Variants in NEBL observed in about 807,000 individuals in gnomAD.
The protein encoded by NEBL is nebulette.
Under a neutral mutation model 140.2 loss-of-function variants are expected in NEBL, and 122 were observed. The observed-to-expected ratio is 0.87, with a 90% CI of 0.75 to 1.01. The LOEUF is 1.01. NEBL is among the 50% of genes least tolerant of loss of function. The pLI is 0.00. For missense variants in NEBL, 1,365 were observed against 1,231.3 expected (o/e 1.11, Z -1.62); for synonymous variants, 436 against 398.9 (o/e 1.09, Z -1.11).
chr10:20,965,147 A>G (rs1241764081), intron 3 of NEBL, among the ~76,000 whole-genome samples: 1 of 152,196 alleles, frequency 6.6e-6, no homozygotes, highest in Non-Finnish European at 1.5e-5. Flanking sequence ...AGCACCTACT[A>G]TGGGCCAAGA....
chr10:20,820,591 C>T (rs532557484), intron 19 of NEBL, among the ~76,000 whole-genome samples: 9 of 152,192 alleles, frequency 5.9e-5, no homozygotes, highest in East Asian at 1.9e-4. Flanking sequence ...TTTGGAAGGC[C>T]GAGGCAGGTG....
intron 1 of NEBL, among the ~76,000 whole-genome samples, chr10:21,256,629 G>A (rs778244456): frequency 4.6e-5 from 7 of 152,128 alleles, no homozygotes; most frequent in Non-Finnish European, 7.4e-5. Context: ...CCAGGAGTTC[G>A]AGACCAGCCT....
intron 3 of NEBL, among the ~76,000 whole-genome samples, chr10:21,200,308 C>CTTTTTTTTTT (rs10671099): frequency 9.8e-5 from 8 of 81,964 alleles, no homozygotes; most frequent in African/African-American, 3.6e-4. Flanking sequence ...TTCCAAGGGA[C>CTTTTTTTTTT]TTTTTTTTTT....
At chr10:20,981,994 T>C (rs1404785908) in intron 3 of NEBL, among the ~76,000 whole-genome samples, 1 of 152,192 alleles carries the variant, frequency 6.6e-6, no homozygotes, top group African/African-American at 2.4e-5. Context: ...CATCTACATT[T>C]TGTTAGCATT....
At chr10:21,107,837 A>C (rs1293180019) in intron 2 of NEBL, among the ~76,000 whole-genome samples, 1 of 152,166 alleles carries the variant, frequency 6.6e-6, no homozygotes, top group Non-Finnish European at 1.5e-5. Context: ...TTATTGCCTC[A>C]ATTTCAGAAC....
chr10:20,903,082 A>G (rs1210168492), intron 4 of NEBL, among the ~76,000 whole-genome samples: 2 of 152,216 alleles, frequency 1.3e-5, no homozygotes, highest in Non-Finnish European at 2.9e-5. Flanking sequence ...TTATCCATAG[A>G]GGATGTGTTC....
rs770140831 is a variant in NEBL at position 20,859,794 on chromosome 10, C to T, written c.717G>A (p.Met239Ile). ...IKYKEKFDNE[M>I]KDKKHHYNPL... Reference sequence around the variant, plus strand: ...GATTGTAATGATGTTTCTTATCCTTCATTTCATTATCAAATTTTTCTTTGT... The same window carrying T: ...GATTGTAATGATGTTTCTTATCCTTTATTTCATTATCAAATTTTTCTTTGT... The change falls in exon 8 of 28, where the codon ATG (methionine) becomes ATA (isoleucine). Residue 239 changes from methionine (M) to isoleucine (I), a missense_variant. Physicochemically the swap from Met to Ile is conservative, Grantham distance 10. Transcript: ENST00000377122. 1 of 1,581,604 alleles carries T rather than the reference C, an allele frequency of 6.3e-7. No individual in the cohort carries two copies. The highest frequency in any genetic ancestry group is 1.7e-5 in the Admixed American group (1 of 59,092).
chr10:21,027,470 G>A (rs1011611472), intron 2 of NEBL, among the ~76,000 whole-genome samples: 2 of 151,846 alleles, frequency 1.3e-5, no homozygotes, highest in Non-Finnish European at 2.9e-5. Flanking sequence ...TGGGACCAGA[G>A]GCAACTGCCA....
In NEBL at chr10:21,227,090, T is replaced by C. The variant is rs118008011; in HGVS notation, n.348+20831A>G. On this transcript the variant is annotated intron_variant and non_coding_transcript_variant, in intron 3 of 8. Coordinates refer to the NEBL transcript ENST00000675702. ...AGCTGAAATCTCAAATCAGTAACAA[T>C]GTTGTTATTGTTCAGTGATGGCTAG... Among the ~76,000 whole-genome samples the C allele has an allele frequency of 4.3e-4, 65 of 152,238 alleles. 1 individual carries two copies. In the East Asian group the frequency reaches 0.011, roughly 25 times the overall value.
chr10:20,839,294 T>C (rs1467922869), intron 13 of NEBL, among the ~76,000 whole-genome samples: 1 of 152,158 alleles, frequency 6.6e-6, no homozygotes, highest in African/African-American at 2.4e-5. Context: ...TACAAGACAA[T>C]CTCTGCATGT....
intron 1 of NEBL, among the ~76,000 whole-genome samples, chr10:21,277,208 C>CTTTTTT (rs1260862410): frequency 7.5e-6 from 1 of 133,566 alleles, no homozygotes; most frequent in Non-Finnish European, 1.6e-5. Flanking sequence ...ATATTTCTTT[C>CTTTTTT]TTTTTTTTTT....
At chr10:20,898,458 T>C (rs1448611423), upstream of NEBL, among the ~76,000 whole-genome samples, 1 of 151,846 alleles carries the variant, frequency 6.6e-6, no homozygotes, top group East Asian at 1.9e-4. Flanking sequence ...AAAAAATGCC[T>C]TGGCCTTACC....
At chr10:20,933,706 C>T (rs1450481239) in intron 4 of NEBL, among the ~76,000 whole-genome samples, 1 of 152,170 alleles carries the variant, frequency 6.6e-6, no homozygotes, top group Non-Finnish European at 1.5e-5. Flanking sequence ...TGCATTGCAT[C>T]CAGATTGGGT....
chr10:21,202,526 T>G (rs549167084), intron 3 of NEBL, among the ~76,000 whole-genome samples: 28 of 146,502 alleles, frequency 1.9e-4, no homozygotes, highest in Non-Finnish European at 3.6e-4. Context: ...TGCAGTGGCG[T>G]GATCTCAGCT....
At chr10:21,153,207 A>C (rs1840209330) in intron 2 of NEBL, among the ~76,000 whole-genome samples, 1 of 152,254 alleles carries the variant, frequency 6.6e-6, no homozygotes, top group Non-Finnish European at 1.5e-5. Flanking sequence ...ACAGATAATG[A>C]AATTGAGGTT....
chr10:21,201,013 C>T (rs115589859), intron 3 of NEBL, among the ~76,000 whole-genome samples: 1,845 of 151,642 alleles, frequency 0.012, 33 homozygotes, highest in African/African-American at 0.042. Context: ...CCCAGGAGAT[C>T]GAGGCTGCAG....
chr10:20,942,618 A>C (rs1394206495), intron 4 of NEBL, among the ~76,000 whole-genome samples: 1 of 152,244 alleles, frequency 6.6e-6, no homozygotes, highest in African/African-American at 2.4e-5. Flanking sequence ...GAGCTTCTGC[A>C]CAGCAAAAGA....
chr10:21,000,744 T>C (rs1442658765), intron 3 of NEBL, among the ~76,000 whole-genome samples: 1 of 152,108 alleles, frequency 6.6e-6, no homozygotes. Flanking sequence ...AAGACTGCAA[T>C]GGAGCAGATG....
intron 4 of NEBL, among the ~76,000 whole-genome samples, chr10:20,954,606 G>GGGAAACA (rs1425871951): frequency 1.3e-5 from 2 of 152,196 alleles, no homozygotes; most frequent in Non-Finnish European, 2.9e-5. Flanking sequence ...GAAGAAAAGG[G>GGGAAACA]GGAAACAGGG....
Sources: allele counts gnomAD v4.1 joint callset (sites outside exome capture counted in the v4.1 genomes callset), GRCh38; gene constraint gnomAD v4.1.1; transcripts MANE v1.5; gene names NCBI Gene and HGNC (gene_info 2026-07-23, HGNC 2026-07-21).